CNTNAP2: variants seen among roughly 807,000 people sequenced by gnomAD.
CNTNAP2 encodes contactin associated protein 2, also known as contactin-associated protein-like 2.
In CNTNAP2, 98 loss-of-function variants were observed where a neutral mutation model predicts 155.2. The observed-to-expected ratio is 0.63, with a 90% CI of 0.54 to 0.75. The LOEUF (loss-of-function observed/expected upper bound fraction) is 0.75, where lower values mean the gene tolerates loss of function less well. CNTNAP2 is among the 30% of genes least tolerant of loss of function. The pLI, the probability that CNTNAP2 is intolerant of heterozygous loss-of-function variation, is 0.00. For synonymous variants in CNTNAP2, 651 were observed against 631.2 expected, an observed-to-expected ratio of 1.03 and a Z score of -0.47; for missense variants, 1,727 against 1,688.1, an observed-to-expected ratio of 1.02 and a Z score of -0.40.
chr7:148,304,598 T>C (rs1490300925), intron 21 of CNTNAP2, among the ~76,000 whole-genome samples: 1 of 152,196 alleles, frequency 6.6e-6, no homozygotes, highest in African/African-American at 2.4e-5. Context: ...AAAGCAGCTG[T>C]GGGCAATATG....
chr7:146,475,013 GCA>G (rs60787049), intron 1 of CNTNAP2, among the ~76,000 whole-genome samples: 10,835 of 144,212 alleles, frequency 0.075, 411 homozygotes, highest in Non-Finnish European at 0.089. Flanking sequence ...GCGCGCGCGC[GCA>G]CACACACACA....
chr7:146,803,330 G>A (rs942479389), intron 2 of CNTNAP2, among the ~76,000 whole-genome samples: 1 of 152,156 alleles, frequency 6.6e-6, no homozygotes, highest in Non-Finnish European at 1.5e-5. Context: ...ATGAGAAGAT[G>A]GAATGTGAAT....
At chr7:147,566,656 C>T (rs1800177804) in intron 12 of CNTNAP2, among the ~76,000 whole-genome samples, 1 of 152,082 alleles carries the variant, frequency 6.6e-6, no homozygotes, top group South Asian at 2.1e-4. Flanking sequence ...TGAGAACTCA[C>T]TATTATGAGA....
At chr7:147,028,459 A>G (rs1228982980) in intron 3 of CNTNAP2, among the ~76,000 whole-genome samples, 4 of 152,128 alleles carry the variant, frequency 2.6e-5, no homozygotes, top group Non-Finnish European at 5.9e-5. Context: ...TTGTTTCATT[A>G]AAAGAGTTGA....
At chr7:146,656,717 T>C (rs1487780321) in intron 1 of CNTNAP2, among the ~76,000 whole-genome samples, 1 of 152,200 alleles carries the variant, frequency 6.6e-6, no homozygotes, top group African/African-American at 2.4e-5. Context: ...CTAAAGTATG[T>C]CAACTTTGGA....
chr7:146,288,349 G>A (rs1446840266), intron 1 of CNTNAP2, among the ~76,000 whole-genome samples: 1 of 151,454 alleles, frequency 6.6e-6, no homozygotes, highest in African/African-American at 2.4e-5. Flanking sequence ...CCTTTGGAGT[G>A]TACAAGAAGG....
chr7:147,889,262 A>G (rs999996505), intron 13 of CNTNAP2, among the ~76,000 whole-genome samples: 1 of 152,116 alleles, frequency 6.6e-6, no homozygotes, highest in African/African-American at 2.4e-5. Flanking sequence ...CAAGAGAGAA[A>G]AAAAGGTACA....
Position 147,358,170 on chromosome 7 carries a change from G to A in CNTNAP2, c.1499-37439G>A, listed in dbSNP as rs531847290. Among the ~76,000 whole-genome samples, 4 of 152,196 alleles carry A rather than the reference G, an allele frequency of 2.6e-5. No homozygotes were observed. The East Asian group carries it at 7.7e-4, about 29-fold the overall frequency. On this transcript the variant is annotated intron_variant, in intron 9 of 23. Coordinates refer to ENST00000361727, the MANE Select transcript of CNTNAP2 (RefSeq NM_014141.6). ...AGAAAGCATTAGTTTTCAAATAAGT[G>A]TACTTTTACCAATTTACCAGTAAAC...
intron 20 of CNTNAP2, among the ~76,000 whole-genome samples, chr7:148,232,171 C>A (rs1339998159): frequency 2.0e-5 from 3 of 152,112 alleles, no homozygotes; most frequent in African/African-American, 7.2e-5. Context: ...CCACTGAGGG[C>A]AAAAAGAAAG....
intron 15 of CNTNAP2, among the ~76,000 whole-genome samples, chr7:148,016,140 G>A (rs1036424341): frequency 2.5e-4 from 38 of 152,196 alleles, no homozygotes; most frequent in African/African-American, 9.2e-4. Flanking sequence ...CACCAGTTTT[G>A]AATGAAGACA....
chr7:146,153,083 T>G (rs887181991), intron 1 of CNTNAP2, among the ~76,000 whole-genome samples: 3 of 152,196 alleles, frequency 2.0e-5, no homozygotes, highest in African/African-American at 7.2e-5. Context: ...TCAAGGTGTA[T>G]ATCATTCCTA....
Position 146,378,202 on chromosome 7 carries a change from T to C in CNTNAP2, c.97+261229T>C, listed in dbSNP as rs1795331196. 2.0e-5 allele frequency among the ~76,000 whole-genome samples: 3 copies of C among 152,332 alleles called. 1 individual carries two copies. Among genetic ancestry groups the C allele is most frequent in the South Asian group, 4.1e-4 (2 of 4,830 alleles). On this transcript the variant is annotated intron_variant, in intron 1 of 23. Transcript: ENST00000361727. ...ATAACAGGTGAACAATAGGTGTAGA[T>C]GTTAGTGCAGTGCCATGAAACTGAA... is the stretch of plus-strand genomic sequence containing the variant.
At chr7:146,179,118 A>C (rs560580860) in intron 1 of CNTNAP2, among the ~76,000 whole-genome samples, 1 of 152,344 alleles carries the variant, frequency 6.6e-6, no homozygotes, top group South Asian at 2.1e-4. Flanking sequence ...CCTAGTGAAC[A>C]TAAGCTCTTT....
intron 23 of CNTNAP2, among the ~76,000 whole-genome samples, chr7:148,410,677 C>T (rs964210547): frequency 6.6e-6 from 1 of 150,864 alleles, no homozygotes; most frequent in Non-Finnish European, 1.5e-5. Context: ...GTGAAATAAG[C>T]TAGGCACAAA....
At position 147,939,054 on chromosome 7, in the gene CNTNAP2, G is replaced by A. The variant is rs114138910; in HGVS notation, c.2255+35333G>A. Among the ~76,000 whole-genome samples, 1,182 of 152,042 alleles carry A rather than the reference G, an allele frequency of 7.8e-3. 17 individuals are homozygous for A. The highest frequency in any genetic ancestry group is 0.027 in the African/African-American group (1,116 of 41,468). On this transcript the variant is annotated intron_variant, in intron 14 of 23. Coordinates refer to ENST00000361727, the MANE Select transcript of CNTNAP2 (RefSeq NM_014141.6). ...CTGTGCCCATTTCCCTAGCTCAAGG[G>A]TTCACTTATCTTTGATAAGTTTATT...
At chr7:147,457,773 T>A (rs1278483302) in intron 10 of CNTNAP2, among the ~76,000 whole-genome samples, 3 of 152,168 alleles carry the variant, frequency 2.0e-5, no homozygotes, top group Admixed American at 2.0e-4. Flanking sequence ...GAAAAAACAA[T>A]TAGAGCATTT....
intron 1 of CNTNAP2, among the ~76,000 whole-genome samples, chr7:146,341,779 T>C (rs1794733944): frequency 6.6e-6 from 1 of 152,148 alleles, no homozygotes; most frequent in African/African-American, 2.4e-5. Flanking sequence ...AAATGTTCCT[T>C]TTAGGGTATT....
chr7:148,237,494 C>T (rs1234730181), intron 20 of CNTNAP2, among the ~76,000 whole-genome samples: 1 of 152,140 alleles, frequency 6.6e-6, no homozygotes, highest in Non-Finnish European at 1.5e-5. Context: ...CAAAAGAGAA[C>T]ATGATGTTAA....
Position 146,535,238 on chromosome 7 carries a change from A to ATATATAATATATATGATAT in CNTNAP2, c.98-239028_98-239027insAATATATATGATATTATAT, listed in dbSNP as rs1491409985. Among the ~76,000 whole-genome samples, 10 of 40,776 alleles carry ATATATAATATATATGATAT rather than the reference A, an allele frequency of 2.5e-4. 2 individuals carry two copies. The highest frequency in any genetic ancestry group is 2.3e-3 in the African/African-American group (10 of 4,342). The allele number at this position is 40,776 out of a possible 152,430, so 26.8% of individuals were successfully genotyped here. ...GATATTATATCATATATATTATATC[A>ATATATAATATATATGATAT]TATATCATATATATGATATTATATC... On this transcript the variant is annotated intron_variant, in intron 1 of 23. Transcript: ENST00000361727.
Sources: allele counts gnomAD v4.1 joint callset (sites outside exome capture counted in the v4.1 genomes callset), GRCh38; gene constraint gnomAD v4.1.1; transcripts MANE v1.5; gene names NCBI Gene and HGNC (gene_info 2026-07-23, HGNC 2026-07-21).